Variants in UBE3C observed in about 807,000 individuals in gnomAD.
The protein encoded by UBE3C is ubiquitin protein ligase E3C.
In UBE3C, 42 loss-of-function variants were observed where a neutral mutation model predicts 129.4. That is an observed-to-expected ratio of 0.32 (90% CI 0.25 to 0.42). The LOEUF is 0.42. Among genes scored for constraint, UBE3C ranks in the 10% least tolerant of loss-of-function variants. UBE3C has a pLI of 1.00. For missense variants in UBE3C, 1,049 were observed against 1,319.1 expected (o/e 0.80, Z 3.17); for synonymous variants, 510 against 492.4 (o/e 1.04, Z -0.47).
chr7:157,184,958 G>A (rs1019459840), intron 9 of UBE3C, among the ~76,000 whole-genome samples: 1 of 152,198 alleles, frequency 6.6e-6, no homozygotes, highest in Non-Finnish European at 1.5e-5. Flanking sequence ...TTTTATAGTG[G>A]ACAGTGGATG....
intron 5 of UBE3C, 26 bp downstream of exon 5, chr7:157,175,060 C>T (rs750730070): frequency 2.1e-5 from 32 of 1,548,954 alleles, no homozygotes; most frequent in Non-Finnish European, 2.5e-5. Context: ...AAGTCAGTAA[C>T]GTATATAATG....
At position 157,223,775 on chromosome 7, in the gene UBE3C, T is replaced by C. The variant is rs113051045; in HGVS notation, c.2100+424T>C. ...TCTCTACAAAGAATACAAAAGTTAG[T>C]TGGGCGTGGTGGCATGTACCTGTAG... On this transcript the variant is annotated intron_variant, in intron 16 of 22. Coordinates refer to ENST00000348165, the MANE Select transcript of UBE3C (RefSeq NM_014671.3). Among the ~76,000 whole-genome samples, 756 of 152,046 alleles carry C rather than the reference T, an allele frequency of 5.0e-3. 4 individuals carry two copies. The highest frequency in any genetic ancestry group is 8.5e-3 in the African/African-American group (352 of 41,482).
chr7:157,144,187 A>G (rs115695192), intron 1 of UBE3C, among the ~76,000 whole-genome samples: 3,944 of 152,292 alleles, frequency 0.026, 192 homozygotes, highest in African/African-American at 0.09. Flanking sequence ...AATCTGCCAC[A>G]CCGAAGACTG....
intron 22 of UBE3C, 65 bp downstream of exon 22, chr7:157,257,109 C>A: frequency 6.3e-7 from 1 of 1,596,240 alleles, no homozygotes; most frequent in Non-Finnish European, 8.5e-7. Flanking sequence ...GCAGAACATT[C>A]AGTAGGGTTA....
chr7:157,248,691 A>G lies in UBE3C; in HGVS notation c.2694+111A>G, dbSNP rs1796542159. ...TTTGACTTCCGCACATTTTAGTTAG[A>G]ATGACTGTGGCTGTGAGTTAGACGT... On this transcript the variant is annotated intron_variant, in intron 19 of 22. Transcript: ENST00000348165. 1.8e-5 allele frequency: 22 copies of G among 1,203,442 alleles called. No homozygotes were observed. The East Asian group carries it at 4.9e-4, about 27-fold the overall frequency. The allele number at this position is 1,203,442 out of a possible 1,614,324, so 74.5% of individuals were successfully genotyped here.
intron 18 of UBE3C, among the ~76,000 whole-genome samples, chr7:157,243,788 T>C (rs180731271): frequency 6.6e-6 from 1 of 152,338 alleles, no homozygotes; most frequent in East Asian, 1.9e-4. Flanking sequence ...CCGAAAACTC[T>C]TAACACAAGA....
At position 157,182,270 on chromosome 7, in the gene UBE3C, G is replaced by A. The variant is rs763937152; in HGVS notation, c.933G>A (p.Lys311=). 1.5e-5 allele frequency: 24 copies of A among 1,614,112 alleles called. No homozygotes were observed. Among genetic ancestry groups the A allele is most frequent in the East Asian group, 1.3e-4 (6 of 44,902 alleles). The change falls in exon 8 of 23, where the codon AAG becomes AAA. Residue 311 remains lysine, a synonymous_variant. Coordinates refer to ENST00000348165, the MANE Select transcript of UBE3C (RefSeq NM_014671.3). ...TAATAGAGAGTAGATGTTCAAGAAA[G>A]AGTGGTGGAGCACCCTGGCTTTTCT... The part of the protein sequence containing the change: ...LLLIESRCSR[K]SGGAPWLFYF...
intron 18 of UBE3C, chr7:157,231,541 C>CCCCATTGT: frequency 1.7e-6 from 1 of 600,990 alleles, no homozygotes; most frequent in Non-Finnish European, 2.8e-6. Context: ...GAAACTTGAT[C>CCCCATTGT]CCCAGTGTGC....
intron 1 of UBE3C, among the ~76,000 whole-genome samples, chr7:157,148,932 T>G (rs190120480): frequency 1.5e-3 from 227 of 152,252 alleles, no homozygotes; most frequent in African/African-American, 5.4e-3. Flanking sequence ...CTGAAAATGT[T>G]AATTGACTGT....
intron 16 of UBE3C, among the ~76,000 whole-genome samples, 168 bp from the exon 17 acceptor site, chr7:157,225,239 A>G (rs1374819249): frequency 6.6e-6 from 1 of 152,202 alleles, no homozygotes; most frequent in Non-Finnish European, 1.5e-5. Context: ...TATACATTAT[A>G]TATTATCTAT....
At position 157,267,932 on chromosome 7, in the gene UBE3C, C is replaced by A. The variant is rs562105461; in HGVS notation, c.*177C>A. The A allele has an allele frequency of 3.9e-6, 2 of 507,220 alleles. No individual in the cohort carries two copies. Among genetic ancestry groups the A allele is most frequent in the South Asian group, 7.6e-5 (2 of 26,320 alleles). The allele number at this position is 507,220 out of a possible 1,614,324, so 31.4% of individuals were successfully genotyped here. A position where few individuals can be genotyped will look rare whatever the true frequency, so the allele number is the denominator to read the frequency against. On this transcript the variant is annotated 3_prime_UTR_variant, in exon 23 of 23. Transcript: ENST00000348165. ...AATGATTTTTATTACGGTGTGGTCA[C>A]TTATTTAGATGGACATTGCTTTTCA...
intron 10 of UBE3C, among the ~76,000 whole-genome samples, chr7:157,193,449 C>G (rs1038993123): frequency 6.6e-6 from 1 of 152,170 alleles, no homozygotes; most frequent in Non-Finnish European, 1.5e-5. Flanking sequence ...GAGCCAGTGT[C>G]TTCCATTGTG....
At chr7:157,198,561 G>T in intron 10 of UBE3C, 1 of 300,526 alleles carries the variant, frequency 3.3e-6, no homozygotes, top group South Asian at 3.1e-5. Flanking sequence ...TCGACAGGGA[G>T]TCTTGTTCTG....
chr7:157,206,194 T>A (rs912932929), intron 11 of UBE3C, among the ~76,000 whole-genome samples: 1 of 152,206 alleles, frequency 6.6e-6, no homozygotes, highest in Non-Finnish European at 1.5e-5. Flanking sequence ...GGAACCAGAC[T>A]TAAAAACGAG....
intron 15 of UBE3C, chr7:157,221,200 A>C (rs1795726700): frequency 6.0e-6 from 1 of 165,786 alleles, no homozygotes; most frequent in South Asian, 1.8e-4. Context: ...GTCTCTGGGA[A>C]TACGAGTACA....
chr7:157,191,860 A>T (rs1808977625), intron 10 of UBE3C, among the ~76,000 whole-genome samples: 1 of 152,192 alleles, frequency 6.6e-6, no homozygotes, highest in African/African-American at 2.4e-5. Context: ...AATATTGAGG[A>T]TGTGCCTGGA....
chr7:157,223,429 C>A (rs1795792441), intron 16 of UBE3C, 78 bp downstream of exon 16: 1 of 1,279,172 alleles, frequency 7.8e-7, no homozygotes, highest in Non-Finnish European at 1.1e-6. Flanking sequence ...CCAGAGAAAT[C>A]TCTAAAGGTG....
At chr7:157,157,223 AT>A (rs1807934946) in intron 1 of UBE3C, among the ~76,000 whole-genome samples, 2 of 152,190 alleles carry the variant, frequency 1.3e-5, no homozygotes, top group South Asian at 4.1e-4. Flanking sequence ...GTGGACGGTA[AT>A]AGTCCATGCT....
At chr7:157,233,342 G>A (rs1796071459) in intron 18 of UBE3C, among the ~76,000 whole-genome samples, 1 of 152,172 alleles carries the variant, frequency 6.6e-6, no homozygotes, top group South Asian at 2.1e-4. Context: ...CTAGGCTGGA[G>A]TGCACTGCTA....
Sources: allele counts gnomAD v4.1 joint callset (sites outside exome capture counted in the v4.1 genomes callset), GRCh38; gene constraint gnomAD v4.1.1; transcripts MANE v1.5; gene names NCBI Gene and HGNC (gene_info 2026-07-23, HGNC 2026-07-21).